Variants in PPP2R5E observed in about 807,000 individuals in gnomAD.
PPP2R5E encodes the protein serine/threonine-protein phosphatase 2A 56 kDa regulatory subunit epsilon isoform.
A neutral mutation model predicts 65.3 loss-of-function variants in PPP2R5E; 4 were observed. The observed-to-expected ratio is 0.06, with a 90% CI of 0.03 to 0.14. PPP2R5E has a LOEUF of 0.14. Ranked by LOEUF, PPP2R5E falls within the 10% of genes least tolerant of loss-of-function variation. PPP2R5E has a pLI of 1.00. For missense variants in PPP2R5E, 274 were observed against 556.1 expected (o/e 0.49, Z 5.10); for synonymous variants, 183 against 187.4 (o/e 0.98, Z 0.19).
chr14:63,452,760 T>C (rs1888914822), intron 3 of PPP2R5E: 1 of 152,218 alleles, frequency 6.6e-6, no homozygotes, highest in African/African-American at 2.4e-5. Flanking sequence ...TAAACATATC[T>C]ACTCCATCAC....
At chr14:63,479,024 G>T (rs1193107042) in intron 2 of PPP2R5E, among the ~76,000 whole-genome samples, 1 of 152,100 alleles carries the variant, frequency 6.6e-6, no homozygotes, top group Non-Finnish European at 1.5e-5. Context: ...AGCTACTCAG[G>T]AGTCTGAGGC....
At chr14:63,477,340 G>A (rs867641674) in intron 2 of PPP2R5E, among the ~76,000 whole-genome samples, 2 of 152,088 alleles carry the variant, frequency 1.3e-5, no homozygotes, top group African/African-American at 4.8e-5. Flanking sequence ...CTGCTTTAAT[G>A]ATAACAACAA....
At chr14:63,411,058 G>T (rs947410495) in intron 5 of PPP2R5E, among the ~76,000 whole-genome samples, 1 of 152,186 alleles carries the variant, frequency 6.6e-6, no homozygotes, top group Non-Finnish European at 1.5e-5. Flanking sequence ...TGGTTTGCAA[G>T]CACTTAGGGC....
chr14:63,517,712 AG>A (rs1419225752), intron 2 of PPP2R5E, among the ~76,000 whole-genome samples: 1 of 152,212 alleles, frequency 6.6e-6, no homozygotes, highest in Non-Finnish European at 1.5e-5. Flanking sequence ...AGTGACAAGG[AG>A]GTGGATTCAA....
Position 63,453,692 on chromosome 14 carries a change from T to G in PPP2R5E, c.351A>C (p.Arg117Ser). 1 of 1,613,306 alleles carries G rather than the reference T, an allele frequency of 6.2e-7. No homozygotes were observed. Among genetic ancestry groups the G allele is most frequent in the Non-Finnish European group, 8.5e-7 (1 of 1,179,692 alleles). ...LTEQTYPEVV[R>S]MVSCNIFRTL... Reference sequence around the variant, plus strand: ...GCGGAGAAAAAAAGAAACTCACCATTCTAACTACTTCAGGGTAAGTCTGCT... The same window carrying G: ...GCGGAGAAAAAAAGAAACTCACCATGCTAACTACTTCAGGGTAAGTCTGCT... Residue 117 changes from arginine to serine, a missense_variant, in exon 3 of 14, where the codon AGA (arginine) becomes AGC (serine). Coordinates refer to ENST00000337537, the MANE Select transcript of PPP2R5E (RefSeq NM_006246.5).
Position 63,415,135 on chromosome 14 carries a change from C to A in PPP2R5E, c.549+5G>T. ...AAATACACACAACCACAATAATTTG[C>A]TTACCTGTAATACAAATTTCTGATC... On this transcript the variant is annotated splice_donor_5th_base_variant and intron_variant, in intron 5 of 13. Transcript: ENST00000337537. The A allele has an allele frequency of 6.5e-7, 1 of 1,545,148 alleles. No individual in the cohort carries two copies. The highest frequency in any genetic ancestry group is 8.9e-7 in the Non-Finnish European group (1 of 1,119,098).
At chr14:63,413,182 T>C (rs980873919) in intron 5 of PPP2R5E, among the ~76,000 whole-genome samples, 3 of 152,220 alleles carry the variant, frequency 2.0e-5, no homozygotes, top group Admixed American at 6.5e-5. Flanking sequence ...AGTTTCATTA[T>C]CTTCAGTACT....
intron 2 of PPP2R5E, among the ~76,000 whole-genome samples, chr14:63,528,813 T>C (rs1893291217): frequency 6.6e-6 from 1 of 152,210 alleles, no homozygotes; most frequent in African/African-American, 2.4e-5. Context: ...ATAAAAATGT[T>C]CGTTCATTTA....
intron 2 of PPP2R5E, among the ~76,000 whole-genome samples, chr14:63,459,448 C>G (rs1364414918): frequency 6.6e-6 from 1 of 152,132 alleles, no homozygotes; most frequent in Admixed American, 6.6e-5. Flanking sequence ...AACTATAAGC[C>G]TTTATAATAA....
At chr14:63,426,619 G>A (rs1472887634) in intron 3 of PPP2R5E, among the ~76,000 whole-genome samples, 2 of 148,382 alleles carry the variant, frequency 1.3e-5, no homozygotes, top group Non-Finnish European at 3.0e-5. Flanking sequence ...ATGAAAATGG[G>A]TCTTGAACTT....
intron 2 of PPP2R5E, among the ~76,000 whole-genome samples, chr14:63,537,334 A>G (rs1893705327): frequency 6.6e-6 from 1 of 152,216 alleles, no homozygotes; most frequent in African/African-American, 2.4e-5. Flanking sequence ...ATAGATTACT[A>G]AAAACCAGTG....
At chr14:63,465,450 C>CAAAAAAAAAAAA (rs1171345415) in intron 2 of PPP2R5E, among the ~76,000 whole-genome samples, 42 of 47,372 alleles carry the variant, frequency 8.9e-4, no homozygotes, top group African/African-American at 2.9e-3. Context: ...TCCACCTCTA[C>CAAAAAAAAAAAA]AAAAAAAAAA....
intron 2 of PPP2R5E, among the ~76,000 whole-genome samples, chr14:63,482,882 A>G (rs1479951729): frequency 1.3e-5 from 2 of 152,196 alleles, no homozygotes; most frequent in Non-Finnish European, 2.9e-5. Context: ...AATAATTTTG[A>G]GCATTTTCTA....
chr14:63,539,128 T>A (rs1000597911), intron 2 of PPP2R5E, among the ~76,000 whole-genome samples: 2 of 152,200 alleles, frequency 1.3e-5, no homozygotes, highest in Non-Finnish European at 2.9e-5. Flanking sequence ...ATTTTCTATA[T>A]GTAAATTAAT....
At chr14:63,437,366 C>T (rs1156872223) in intron 3 of PPP2R5E, among the ~76,000 whole-genome samples, 1 of 152,178 alleles carries the variant, frequency 6.6e-6, no homozygotes, top group Non-Finnish European at 1.5e-5. Context: ...TTTCACTTTA[C>T]TCTATGGACT....
At chr14:63,540,050 G>C (rs1234857862) in intron 1 of PPP2R5E, among the ~76,000 whole-genome samples, 1 of 151,558 alleles carries the variant, frequency 6.6e-6, no homozygotes, top group African/African-American at 2.4e-5. Context: ...GCTTGAACCT[G>C]GGAGGTGGAG....
In PPP2R5E at chr14:63,374,535, C is replaced by A. The variant is rs924682509; in HGVS notation, c.*1474G>T. On this transcript the variant is annotated 3_prime_UTR_variant, in exon 14 of 14. Coordinates refer to ENST00000337537, the MANE Select transcript of PPP2R5E (RefSeq NM_006246.5). ...TATCTTTCAGTACGTAATAATGCAACTGCATTAGGTAAGTACATACTGTAC... is the reference window on the plus strand; with the variant it reads ...TATCTTTCAGTACGTAATAATGCAAATGCATTAGGTAAGTACATACTGTAC... 1 of 150,722 alleles carries A rather than the reference C, an allele frequency of 6.6e-6. No homozygotes were observed. Among genetic ancestry groups the A allele is most frequent in the African/African-American group, 2.4e-5 (1 of 40,902 alleles). 9.3% of individuals were successfully genotyped at this position (150,722 alleles called of 1,614,324 possible).
At chr14:63,425,649 C>T (rs925187944) in intron 3 of PPP2R5E, among the ~76,000 whole-genome samples, 1 of 152,188 alleles carries the variant, frequency 6.6e-6, no homozygotes, top group Non-Finnish European at 1.5e-5. Context: ...TTTGTCTCTC[C>T]CTACTAATAA....
chr14:63,508,253 C>T (rs1214593444), intron 2 of PPP2R5E: 4 of 983,638 alleles, frequency 4.1e-6, no homozygotes, highest in Admixed American at 6.2e-5. Context: ...CTCTAAACCA[C>T]GCGGCTCACT....
Sources: gnomAD v4.1 joint callset for allele counts (sites outside exome capture counted in the v4.1 genomes callset) on GRCh38, gnomAD v4.1.1 for gene constraint, MANE v1.5 for transcripts, NCBI Gene and HGNC (gene_info 2026-07-23, HGNC 2026-07-21) for gene names.